GRAMD2B: variants seen among roughly 807,000 people sequenced by gnomAD.
GRAMD2B encodes the protein GRAM domain-containing protein 2B.
In GRAMD2B, 41 loss-of-function variants were observed where a neutral mutation model predicts 59.2. The ratio of observed to expected loss-of-function variants is 0.69; its 90% CI spans 0.54 to 0.90. The LOEUF (loss-of-function observed/expected upper bound fraction) is 0.90, where lower values mean the gene tolerates loss of function less well. Ranked by LOEUF, GRAMD2B falls within the 40% of genes least tolerant of loss-of-function variation. The pLI, the probability that GRAMD2B is intolerant of heterozygous loss-of-function variation, is 0.00. For missense variants in GRAMD2B, 424 were observed against 500.5 expected (o/e 0.85, Z 1.46); for synonymous variants, 161 against 182.7 (o/e 0.88, Z 0.96).
At chr5:126,403,585 T>C (rs2149743041) in intron 1 of GRAMD2B, among the ~76,000 whole-genome samples, 1 of 151,944 alleles carries the variant, frequency 6.6e-6, no homozygotes, top group East Asian at 1.9e-4. Context: ...GTTTAGGCTC[T>C]AGGGGAAAAA....
chr5:126,381,112 G>A (rs904241404), intron 1 of GRAMD2B, among the ~76,000 whole-genome samples: 3 of 152,228 alleles, frequency 2.0e-5, no homozygotes, highest in East Asian at 1.9e-4. Context: ...ATCATAAAGC[G>A]ATGCTAGATT....
intron 1 of GRAMD2B, among the ~76,000 whole-genome samples, chr5:126,404,487 C>A (rs997549817): frequency 1.6e-4 from 25 of 151,842 alleles, no homozygotes; most frequent in Non-Finnish European, 2.7e-4. Flanking sequence ...TAAGTGAAAT[C>A]ATGGTCATAT....
chr5:126,481,199 AAAAAAAAGAAAG>A (rs1259727904), intron 8 of GRAMD2B, among the ~76,000 whole-genome samples: 15 of 92,346 alleles, frequency 1.6e-4, no homozygotes, highest in African/African-American at 5.7e-4. Flanking sequence ...TGTAAAAAAA[AAAAAAAAGAAAG>A]AAAGAAAGAA....
At chr5:126,449,506 A>C (rs1764935632) in intron 1 of GRAMD2B, among the ~76,000 whole-genome samples, 1 of 138,378 alleles carries the variant, frequency 7.2e-6, no homozygotes, top group Non-Finnish European at 1.6e-5. Flanking sequence ...CTGAAATACT[A>C]AAACTATACT....
rs118130919 is a variant in GRAMD2B at position 126,396,333 on chromosome 5, T to C, written c.125+24766T>C. ...CCTGATCCTCTCCCTACTCCCACCT[T>C]CCATCTACCAATAAGCCCCGGTGTG... On this transcript the variant is annotated intron_variant, in intron 1 of 8. Coordinates refer to the GRAMD2B transcript ENST00000506445. 4.7e-4 allele frequency among the ~76,000 whole-genome samples: 71 copies of C among 152,248 alleles called. 1 individual carries two copies. In the East Asian group the frequency reaches 0.013, roughly 28 times the overall value.
At chr5:126,466,511 C>T (rs752129770) in intron 2 of GRAMD2B, among the ~76,000 whole-genome samples, 4 of 151,992 alleles carry the variant, frequency 2.6e-5, no homozygotes, top group East Asian at 3.9e-4. Flanking sequence ...CAGCAACCTC[C>T]GCCTCCCAGG....
chr5:126,471,808 G>C (rs1045354695), intron 3 of GRAMD2B, among the ~76,000 whole-genome samples: 2 of 152,196 alleles, frequency 1.3e-5, no homozygotes, highest in African/African-American at 4.8e-5. Flanking sequence ...AAGAGCTAGA[G>C]CCACTACAGC....
At chr5:126,410,162 A>C (rs1228810286) in intron 1 of GRAMD2B, among the ~76,000 whole-genome samples, 1 of 151,882 alleles carries the variant, frequency 6.6e-6, no homozygotes, top group Non-Finnish European at 1.5e-5. Flanking sequence ...GGATTGACTT[A>C]GCAATGCGGG....
chr5:126,403,742 C>G (rs906060106), intron 1 of GRAMD2B, among the ~76,000 whole-genome samples: 12 of 151,866 alleles, frequency 7.9e-5, no homozygotes, highest in African/African-American at 2.4e-4. Context: ...ACTTATATCT[C>G]CACACACTGA....
intron 1 of GRAMD2B, among the ~76,000 whole-genome samples, chr5:126,448,104 C>A (rs1561537331): frequency 6.6e-6 from 1 of 152,078 alleles, no homozygotes; most frequent in Non-Finnish European, 1.5e-5. Context: ...AACCCACCCG[C>A]CTCAGCCTCC....
rs573381434 is a variant in GRAMD2B, at chr5:126,426,937, A to C, written c.83+3248A>C. 3.3e-5 allele frequency among the ~76,000 whole-genome samples: 5 copies of C among 152,366 alleles called. No individual in the cohort carries two copies. The East Asian group carries it at 9.6e-4, about 29-fold the overall frequency. On this transcript the variant is annotated intron_variant, in intron 1 of 13. Coordinates refer to ENST00000285689, the MANE Select transcript of GRAMD2B (RefSeq NM_023927.4). The stretch of plus-strand genomic sequence containing the variant: ...AATACAATGAATCCCTTTCTGACCA[A>C]GAATAAGTACTTTAGCTGTATATTT...
chr5:126,489,479 G>C (rs571755713), intron 13 of GRAMD2B, among the ~76,000 whole-genome samples: 2 of 152,168 alleles, frequency 1.3e-5, no homozygotes, highest in Non-Finnish European at 2.9e-5. Flanking sequence ...CAGCAGATCT[G>C]GAACCTGAAC....
At chr5:126,457,219 A>G (rs866150786) in intron 1 of GRAMD2B, among the ~76,000 whole-genome samples, 5,094 of 130,298 alleles carry the variant, frequency 0.039, 396 homozygotes, top group African/African-American at 0.13. Flanking sequence ...AAAAAAAAAA[A>G]AAGAAGTACC....
At chr5:126,468,334 A>AT (rs1280828407) in intron 2 of GRAMD2B, among the ~76,000 whole-genome samples, 4 of 151,772 alleles carry the variant, frequency 2.6e-5, no homozygotes, top group Non-Finnish European at 4.4e-5. Context: ...TTGTGGTTTC[A>AT]TTTTTTTTAT....
chr5:126,411,281 A>T (rs1258523893), intron 1 of GRAMD2B, among the ~76,000 whole-genome samples: 1 of 152,128 alleles, frequency 6.6e-6, no homozygotes, highest in Non-Finnish European at 1.5e-5. Context: ...ATTTGTGTAT[A>T]TGGTGAAAGG....
chr5:126,411,513 G>T (rs1193030240), intron 1 of GRAMD2B, among the ~76,000 whole-genome samples: 2 of 152,114 alleles, frequency 1.3e-5, no homozygotes, highest in African/African-American at 4.8e-5. Flanking sequence ...TAGCATTATA[G>T]TATAGTTTGA....
intron 1 of GRAMD2B, among the ~76,000 whole-genome samples, chr5:126,425,616 A>AG (rs1251360178): frequency 6.6e-6 from 1 of 152,032 alleles, no homozygotes; most frequent in East Asian, 1.9e-4. Flanking sequence ...ACAAAAAAAA[A>AG]TAAGTTAAGC....
At chr5:126,421,486 C>A (rs1454615261), upstream of GRAMD2B, among the ~76,000 whole-genome samples, 1 of 152,132 alleles carries the variant, frequency 6.6e-6, no homozygotes, top group Non-Finnish European at 1.5e-5. Context: ...AGGAGACAGC[C>A]TTCAAGCTTT....
At chr5:126,448,266 AG>A (rs1356904787) in intron 1 of GRAMD2B, among the ~76,000 whole-genome samples, 1 of 152,098 alleles carries the variant, frequency 6.6e-6, no homozygotes, top group Non-Finnish European at 1.5e-5. Flanking sequence ...TAGGACCTAG[AG>A]GGGGTTGGGG....
Sources: allele counts gnomAD v4.1 joint callset (sites outside exome capture counted in the v4.1 genomes callset), GRCh38; gene constraint gnomAD v4.1.1; transcripts MANE v1.5; gene names NCBI Gene and HGNC (gene_info 2026-07-23, HGNC 2026-07-21).